BRSK2: variants seen among roughly 807,000 people sequenced by gnomAD.
BRSK2 encodes serine/threonine-protein kinase BRSK2.
BRSK2 carries 19 observed loss-of-function variants against 83.3 expected under a neutral mutation model. The ratio of observed to expected loss-of-function variants is 0.23; its 90% CI spans 0.16 to 0.33. BRSK2 has a LOEUF of 0.33. Ranked by LOEUF, BRSK2 falls within the 10% of genes least tolerant of loss-of-function variation. BRSK2 has a pLI of 1.00. For synonymous variants in BRSK2, 519 were observed against 435.4 expected, an observed-to-expected ratio of 1.19 and a Z score of -2.39; for missense variants, 798 against 1,042.3, an observed-to-expected ratio of 0.77 and a Z score of 3.23.
intron 1 of BRSK2, among the ~76,000 whole-genome samples, chr11:1,406,287 C>T (rs1169399456): frequency 6.6e-6 from 1 of 152,198 alleles, no homozygotes; most frequent in Non-Finnish European, 1.5e-5. Flanking sequence ...CACGGTGAAA[C>T]CCCATCTCTA....
chr11:1,452,982 C>T (rs1304863044), intron 15 of BRSK2, among the ~76,000 whole-genome samples: 2 of 152,220 alleles, frequency 1.3e-5, no homozygotes, highest in African/African-American at 4.8e-5. Context: ...ATGCGGTTGT[C>T]TGGGACACTC....
chr11:1,445,966 C>G, intron 12 of BRSK2, 59 bp downstream of exon 12: 1 of 1,532,820 alleles, frequency 6.5e-7, no homozygotes, highest in Middle Eastern at 2.2e-4. Context: ...CGCGGCACTG[C>G]CGCCTGGCTC....
At chr11:1,425,569 G>T (rs1849119576) in intron 1 of BRSK2, among the ~76,000 whole-genome samples, 1 of 152,124 alleles carries the variant, frequency 6.6e-6, no homozygotes, top group Non-Finnish European at 1.5e-5. Context: ...CACCCCCTCA[G>T]GACGTTTCCT....
intron 18 of BRSK2, chr11:1,457,028 G>A (rs1846661455): frequency 6.3e-7 from 1 of 1,593,732 alleles, no homozygotes; most frequent in Non-Finnish European, 8.5e-7. Flanking sequence ...CCAGCTACGA[G>A]AGTAGCCTCT....
Position 1,411,282 on chromosome 11 carries a change from C to G in BRSK2, c.91+20907C>G, listed in dbSNP as rs1047801511. 5 of 1,312,494 alleles carry G rather than the reference C, an allele frequency of 3.8e-6. No homozygotes were observed. The East Asian group carries it at 1.6e-4, about 41-fold the overall frequency. 81.3% of individuals were successfully genotyped at this position (1,312,494 alleles called of 1,614,324 possible). A position where few individuals can be genotyped will look rare whatever the true frequency, so the allele number is the denominator to read the frequency against. ...CTGGGCCAGATCAGCAGGAAAGCAG[C>G]CAGTGCCCCGCCATGGCCTGCCCGG... On this transcript the variant is annotated intron_variant, in intron 1 of 19. Transcript: ENST00000528841.
At chr11:1,401,923 C>T (rs548913312) in intron 1 of BRSK2, among the ~76,000 whole-genome samples, 2 of 152,350 alleles carry the variant, frequency 1.3e-5, no homozygotes, top group African/African-American at 4.8e-5. Flanking sequence ...CCAAACCTGT[C>T]GTCAGCTGTG....
chr11:1,458,315 C>T (rs1055471595), intron 18 of BRSK2, among the ~76,000 whole-genome samples: 3 of 152,160 alleles, frequency 2.0e-5, no homozygotes, highest in African/African-American at 7.2e-5. Flanking sequence ...AAGCCCCTCT[C>T]CATTCCTGCC....
At chr11:1,451,328 A>C (rs1186959783) in intron 14 of BRSK2, 43 bp from the exon 15 acceptor site, 1 of 1,611,024 alleles carries the variant, frequency 6.2e-7, no homozygotes, top group Admixed American at 1.7e-5. Context: ...GGAAGGATGG[A>C]GCGGTCACCA....
intron 1 of BRSK2, among the ~76,000 whole-genome samples, chr11:1,392,804 G>A (rs1254253840): frequency 6.6e-6 from 1 of 152,226 alleles, no homozygotes; most frequent in Non-Finnish European, 1.5e-5. Context: ...TCCCTGTCTT[G>A]TTGGGTCTGT....
intron 13 of BRSK2, among the ~76,000 whole-genome samples, chr11:1,450,144 C>T (rs1194598831): frequency 9.9e-5 from 15 of 151,776 alleles, no homozygotes; most frequent in East Asian, 2.0e-4. Context: ...CCTCCTGTGC[C>T]GTGTGCATGC....
chr11:1,442,467 A>G (rs1851476130), intron 4 of BRSK2, 23 bp from the exon 5 acceptor site: 5 of 1,590,388 alleles, frequency 3.1e-6, no homozygotes, highest in Non-Finnish European at 4.3e-6. Flanking sequence ...GGCCCTGTTC[A>G]GCCTCACCAC....
intron 1 of BRSK2, among the ~76,000 whole-genome samples, chr11:1,398,156 A>T (rs1285738471): frequency 6.6e-6 from 1 of 152,046 alleles, no homozygotes; most frequent in Non-Finnish European, 1.5e-5. Flanking sequence ...GCCCCCGGGG[A>T]ACCCTTTGTA....
intron 1 of BRSK2, among the ~76,000 whole-genome samples, chr11:1,405,644 A>C (rs572110102): frequency 8.5e-5 from 13 of 152,146 alleles, no homozygotes; most frequent in Non-Finnish European, 1.8e-4. Flanking sequence ...TTGGCCGTTG[A>C]CCTTTGCTCC....
chr11:1,439,377 A>G (rs1242431705), intron 3 of BRSK2, among the ~76,000 whole-genome samples: 2 of 152,008 alleles, frequency 1.3e-5, no homozygotes, highest in Non-Finnish European at 2.9e-5. Context: ...CTGCCCCACC[A>G]TGAGCAGGGG....
intron 3 of BRSK2, among the ~76,000 whole-genome samples, chr11:1,439,055 G>A (rs1185154267): frequency 6.6e-6 from 1 of 152,186 alleles, no homozygotes; most frequent in South Asian, 2.1e-4. Flanking sequence ...CCCAAGGGCT[G>A]TCTGGCCTTG....
At chr11:1,414,556 AT>A (rs1273628420) in intron 1 of BRSK2, among the ~76,000 whole-genome samples, 7 of 152,266 alleles carry the variant, frequency 4.6e-5, no homozygotes, top group African/African-American at 1.7e-4. Flanking sequence ...CATGTATTTT[AT>A]CACTGACATT....
chr11:1,405,404 T>G (rs1416113721), intron 1 of BRSK2, among the ~76,000 whole-genome samples: 1 of 151,992 alleles, frequency 6.6e-6, no homozygotes, highest in African/African-American at 2.4e-5. Context: ...TGCCCAGCCT[T>G]CCCCCTGTGG....
chr11:1,444,979 C>T lies in BRSK2; in HGVS notation c.789C>T (p.His263=). 1.9e-6 allele frequency: 3 copies of T among 1,613,230 alleles called. No homozygotes were observed. The highest frequency in any genetic ancestry group is 2.5e-6 in the Non-Finnish European group (3 of 1,179,288). Reference sequence around the variant, plus strand: ...TTTCTCTTTCCTTGTAGCTAGAGCACATTCAGAAACACATATGGTATATGT... The same window carrying T: ...TTTCTCTTTCCTTGTAGCTAGAGCATATTCAGAAACACATATGGTATATGT... The part of the protein sequence containing the change: ...VDAARRLTLE[H]IQKHIWYIGG... The change falls in exon 9 of 20, where the codon CAC becomes CAT. Residue 263 remains histidine, a synonymous_variant. Transcript: ENST00000528841.
At chr11:1,434,815 G>A (rs950072087) in intron 1 of BRSK2, among the ~76,000 whole-genome samples, 2 of 152,162 alleles carry the variant, frequency 1.3e-5, no homozygotes. Flanking sequence ...ACATGGAATG[G>A]CACATGAGTG....
Sources: allele counts gnomAD v4.1 joint callset (sites outside exome capture counted in the v4.1 genomes callset), GRCh38; gene constraint gnomAD v4.1.1; transcripts MANE v1.5; gene names NCBI Gene and HGNC (gene_info 2026-07-23, HGNC 2026-07-21).